AKNA: variants seen among roughly 807,000 people sequenced by gnomAD.
The protein encoded by AKNA is microtubule organization protein AKNA.
Under a neutral mutation model 138.8 loss-of-function variants are expected in AKNA, and 67 were observed. That is an observed-to-expected ratio of 0.48 (90% confidence interval 0.40 to 0.59). AKNA has a LOEUF of 0.59. Among genes scored for constraint, AKNA ranks in the 20% least tolerant of loss-of-function variants. The pLI is 0.00. For missense variants in AKNA, 1,813 were observed against 1,880.4 expected, an observed-to-expected ratio of 0.96 and a Z score of 0.66; for synonymous variants, 737 against 754.4, an observed-to-expected ratio of 0.98 and a Z score of 0.38.
chr9:114,380,771 T>A (rs2763190), intron 2 of AKNA, among the ~76,000 whole-genome samples: 4,434 of 148,714 alleles, frequency 0.03, 217 homozygotes, highest in African/African-American at 0.11. Context: ...GTCAAGAGAT[T>A]GAGACCATCC....
chr9:114,354,869 CTTTT>C (rs951126529), intron 14 of AKNA, among the ~76,000 whole-genome samples: 1 of 133,732 alleles, frequency 7.5e-6, no homozygotes. Flanking sequence ...CTATACGGTA[CTTTT>C]TTTTTTTTTT....
rs1449302217 is a variant in AKNA, at chr9:114,374,079, TC to T, written c.1416+13del. The T allele has an allele frequency of 1.9e-6, 3 of 1,552,952 alleles. No homozygotes were observed. In the African/African-American group the frequency reaches 4.1e-5, roughly 21 times the overall value. ...GACTTGGGCCCATGCCTCCACCCCA[TC>T]CCGGCCTGGTACCTTGGCCCCGAGG... On this transcript the variant is annotated intron_variant, in intron 4 of 21. Transcript: ENST00000374088.
chr9:114,341,548 T>C lies in AKNA; in HGVS notation c.4052A>G (p.Tyr1351Cys), dbSNP rs376371366. The C allele has an allele frequency of 1.4e-5, 23 of 1,613,804 alleles. No homozygotes were observed. Among genetic ancestry groups the C allele is most frequent in the Non-Finnish European group, 1.9e-5 (23 of 1,179,966 alleles). The change falls in exon 21 of 22, where the codon TAT becomes TGT. Residue 1351 changes from tyrosine (Y) to cysteine (C), a missense_variant. Tyr to Cys is a radical substitution (Grantham distance 194, BLOSUM62 -2). Transcript: ENST00000374088. ...AGGCTCTTACACAGCGGCAGGTGGA[T>C]AAGGCATGATGGGAACCGAGGAGAT... ...AYISSVPIMPYPPAAVYYAPA... is the reference protein window; with the variant it reads ...AYISSVPIMPCPPAAVYYAPA...
At chr9:114,391,991 C>T (rs958359431), upstream of AKNA, among the ~76,000 whole-genome samples, 2 of 148,208 alleles carry the variant, frequency 1.3e-5, no homozygotes, top group African/African-American at 2.5e-5. Flanking sequence ...ACCCTGCCAG[C>T]CCTTCCCACG....
chr9:114,394,758 T>C (rs1434024779), upstream of AKNA, among the ~76,000 whole-genome samples: 1 of 152,250 alleles, frequency 6.6e-6, no homozygotes, highest in Non-Finnish European at 1.5e-5. Flanking sequence ...CAGTTGGGTC[T>C]GTACCCACAA....
chr9:114,347,918 A>G lies in AKNA; in HGVS notation c.3222-18T>C. 6.5e-7 allele frequency: 1 copy of G among 1,548,450 alleles called. No individual in the cohort carries two copies. Among genetic ancestry groups the G allele is most frequent in the South Asian group, 1.2e-5 (1 of 83,670 alleles). ...TGGCCTGGCTGGGGTTGGAGTGGAG[A>G]CAGAAACAAAGAACAGAGGCATGAG... On this transcript the variant is annotated intron_variant, in intron 15 of 21. Coordinates refer to ENST00000374088, the MANE Select transcript of AKNA (RefSeq NM_001317950.2).
intron 7 of AKNA, 25 bp downstream of exon 7, chr9:114,364,534 TG>T: frequency 6.2e-7 from 1 of 1,613,048 alleles, no homozygotes; most frequent in Non-Finnish European, 8.5e-7. Context: ...GGCAGTTCCA[TG>T]GGTGGCTCCT....
upstream of AKNA, among the ~76,000 whole-genome samples, chr9:114,392,032 G>A (rs1002747928): frequency 2.0e-5 from 3 of 150,912 alleles, no homozygotes; most frequent in South Asian, 2.1e-4. Context: ...CTTGAACCTG[G>A]GAGGCGGAGG....
chr9:114,361,576 T>G, intron 9 of AKNA, 128 bp downstream of exon 9: 1 of 1,037,958 alleles, frequency 9.6e-7, no homozygotes, highest in South Asian at 1.4e-5. Flanking sequence ...ATATGTAATA[T>G]TTACATATTT....
chr9:114,371,378 T>G (rs1832758276), intron 4 of AKNA, among the ~76,000 whole-genome samples: 1 of 152,218 alleles, frequency 6.6e-6, no homozygotes, highest in Non-Finnish European at 1.5e-5. Flanking sequence ...AACTGCAAAT[T>G]ATTTAAGAGA....
chr9:114,395,847 A>T (rs1177231153), upstream of AKNA, among the ~76,000 whole-genome samples: 2 of 151,562 alleles, frequency 1.3e-5, no homozygotes, highest in Non-Finnish European at 2.9e-5. Flanking sequence ...ATTTCAAGCT[A>T]TTGATATCAC....
chr9:114,350,972 G>T lies in AKNA; in HGVS notation c.3108C>A (p.Pro1036=). 2 of 1,613,606 alleles carry T rather than the reference G, an allele frequency of 1.2e-6. No individual in the cohort carries two copies. Among genetic ancestry groups the T allele is most frequent in the East Asian group, 2.2e-5 (1 of 44,864 alleles). The change falls in exon 15 of 22, where the codon CCC becomes CCA. Residue 1036 remains proline, a synonymous_variant. Transcript: ENST00000374088. ...FEGHKRISEQ[P]LPNKTISPPP... is the part of the protein sequence containing the mutation. ...GTGGGCTGATTGTCTTGTTGGGAAG[G>T]GGCTGTTCAGAAATCCGTTTGTGCC...
At chr9:114,393,006 T>A (rs918372565) in intron 1 of AKNA, among the ~76,000 whole-genome samples, 4 of 152,302 alleles carry the variant, frequency 2.6e-5, no homozygotes, top group African/African-American at 9.6e-5. Flanking sequence ...AAACAAACCG[T>A]GCACGTGCCA....
At chr9:114,342,859 GATGA>G (rs149365711) in intron 19 of AKNA, among the ~76,000 whole-genome samples, 12 of 152,000 alleles carry the variant, frequency 7.9e-5, no homozygotes, top group African/African-American at 2.7e-4. Flanking sequence ...AGGGGTAAGT[GATGA>G]ATGAATGAAT....
Position 114,376,415 on chromosome 9 carries a change from C to T in AKNA, c.1341+51G>A, listed in dbSNP as rs1293581243. On this transcript the variant is annotated intron_variant, in intron 3 of 21. Transcript: ENST00000374088. The stretch of plus-strand genomic sequence containing the variant: ...TCCCCACCCCAATTAGCCTCCACCC[C>T]AAGCCAACAGGGGCCTTGGTGACAC... 3.1e-6 allele frequency: 5 copies of T among 1,603,142 alleles called. No homozygotes were observed. In the African/African-American group the frequency reaches 5.4e-5, roughly 17 times the overall value.
At position 114,337,012 on chromosome 9, in the gene AKNA, T is replaced by TGGGG. The variant is rs1375531743; in HGVS notation, c.*41_*42insCCCC. On this transcript the variant is annotated 3_prime_UTR_variant, in exon 22 of 22. Coordinates refer to ENST00000374088, the MANE Select transcript of AKNA (RefSeq NM_001317950.2). ...CCCACTCCTGGCCTGGCAGGCCACC[T>TGGGG]GCCCACCCACCCACCCATCTGCCTC... 364 of 1,207,548 alleles carry TGGGG rather than the reference T, an allele frequency of 3.0e-4. No individual in the cohort carries two copies. Among genetic ancestry groups the TGGGG allele is most frequent in the East Asian group, 9.0e-4 (29 of 32,058 alleles). The allele number at this position is 1,207,548 out of a possible 1,614,324, so 74.8% of individuals were successfully genotyped here.
rs749228354 is a variant in AKNA, at chr9:114,361,786, A to G, written c.2042T>C (p.Leu681Pro). The part of the protein sequence containing the change: ...SDSALDSTPA[L>P]PCLHQPTHLP... ...GTGCGTTGGCTGATGGAGGCAGGGC[A>G]GGGCTGGGGTGCTGTCCAGAGCTGA... is the stretch of plus-strand genomic sequence containing the variant. The change falls in exon 9 of 22, where the codon CTG becomes CCG. Residue 681 changes from leucine to proline, a missense_variant. Coordinates refer to ENST00000374088, the MANE Select transcript of AKNA (RefSeq NM_001317950.2). 2 of 1,613,748 alleles carry G rather than the reference A, an allele frequency of 1.2e-6. No individual in the cohort carries two copies. The highest frequency in any genetic ancestry group is 3.3e-5 in the Admixed American group (2 of 60,002).
At chr9:114,390,244 C>A (rs1408400032), upstream of AKNA, among the ~76,000 whole-genome samples, 1 of 152,146 alleles carries the variant, frequency 6.6e-6, no homozygotes, top group Non-Finnish European at 1.5e-5. Flanking sequence ...CTCCTCCCTG[C>A]CTTTGCTCAT....
At position 114,374,114 on chromosome 9, in the gene AKNA, G is replaced by A. The variant is rs982103372; in HGVS notation, c.1395C>T (p.Asp465=). 16 of 1,558,766 alleles carry A rather than the reference G, an allele frequency of 1.0e-5. No individual in the cohort carries two copies. Among genetic ancestry groups the A allele is most frequent in the South Asian group, 2.4e-5 (2 of 84,588 alleles). The part of the protein sequence containing the change: ...TKYAEAENTI[D]QLRLGAKVNL... ...GTACCTTGGCCCCGAGGCGTAGCTG[G>A]TCAATGGTGTTCTCGGCCTCAGCGT... Residue 465 remains aspartate, a synonymous_variant, in exon 4 of 22, where the codon GAC becomes GAT. Coordinates refer to ENST00000374088, the MANE Select transcript of AKNA (RefSeq NM_001317950.2).
Sources: gnomAD v4.1 joint callset for allele counts (sites outside exome capture counted in the v4.1 genomes callset) on GRCh38, gnomAD v4.1.1 for gene constraint, MANE v1.5 for transcripts, NCBI Gene and HGNC (gene_info 2026-07-23, HGNC 2026-07-21) for gene names.